DZIP1L: variants seen among roughly 807,000 people sequenced by gnomAD.
DZIP1L encodes DAZ interacting zinc finger protein 1 like.
In DZIP1L, 90 loss-of-function variants were observed where a neutral mutation model predicts 88.7. That is an observed-to-expected ratio of 1.02 (90% CI 0.86 to 1.21). DZIP1L has a LOEUF of 1.21. Ranked by LOEUF, DZIP1L falls within the 50% of genes most tolerant of loss-of-function variation. The pLI is 0.00. For synonymous variants in DZIP1L, 363 were observed against 372.1 expected, an observed-to-expected ratio of 0.98 and a Z score of 0.28; for missense variants, 932 against 955.8, an observed-to-expected ratio of 0.98 and a Z score of 0.33.
Position 138,062,759 on chromosome 3 carries a change from G to T in DZIP1L, c.*57C>A, listed in dbSNP as rs371231885. 1.3e-6 allele frequency: 2 copies of T among 1,591,138 alleles called. No homozygotes were observed. Among genetic ancestry groups the T allele is most frequent in the East Asian group, 2.2e-5 (1 of 44,652 alleles). ...GCCCAGCAGCCTCTTCTGTTGAAGTGGACCTGAGCTGGCCCCAGCCAGGCT... is the reference window on the plus strand; with the variant it reads ...GCCCAGCAGCCTCTTCTGTTGAAGTTGACCTGAGCTGGCCCCAGCCAGGCT... On this transcript the variant is annotated 3_prime_UTR_variant, in exon 16 of 16. Coordinates refer to ENST00000327532, the MANE Select transcript of DZIP1L (RefSeq NM_173543.3).
intron 2 of DZIP1L, among the ~76,000 whole-genome samples, chr3:138,101,276 A>G (rs1245828300): frequency 4.6e-5 from 7 of 151,952 alleles, no homozygotes; most frequent in African/African-American, 9.7e-5. Flanking sequence ...ACCAAAAAAA[A>G]AAAGCAATTG....
At chr3:138,079,313 C>A (rs2724697) in intron 10 of DZIP1L, among the ~76,000 whole-genome samples, 2 of 151,972 alleles carry the variant, frequency 1.3e-5, no homozygotes, top group Admixed American at 1.3e-4. Flanking sequence ...AAAAGTGATA[C>A]GCAATTCTAA....
chr3:138,106,384 C>A (rs1372110873), intron 1 of DZIP1L, among the ~76,000 whole-genome samples: 1 of 151,196 alleles, frequency 6.6e-6, no homozygotes, highest in African/African-American at 2.4e-5. Flanking sequence ...GTGATCCACC[C>A]GCCTCAGCCT....
intron 12 of DZIP1L, among the ~76,000 whole-genome samples, chr3:138,071,223 G>A (rs1026019282): frequency 1.3e-5 from 2 of 152,190 alleles, no homozygotes; most frequent in African/African-American, 4.8e-5. Context: ...CAATGCTCCC[G>A]GGCCTCTGCC....
chr3:138,102,877 G>T, intron 2 of DZIP1L: 1 of 655,750 alleles, frequency 1.5e-6, no homozygotes, highest in Admixed American at 2.2e-5. Context: ...GGGGCCAGAG[G>T]TGGGCACCTT....
Position 138,094,030 on chromosome 3 carries a change from C to T in DZIP1L, c.708+832G>A, listed in dbSNP as rs1306722574. 3.3e-5 allele frequency among the ~76,000 whole-genome samples: 5 copies of T among 152,176 alleles called. No homozygotes were observed. The South Asian group carries it at 1.0e-3, about 31-fold the overall frequency. ...CTGCCTCTCAGCCCATCTCAGCTTTCGACATGCCTTCATCACTAAACTTAA... is the reference window on the plus strand; with the variant it reads ...CTGCCTCTCAGCCCATCTCAGCTTTTGACATGCCTTCATCACTAAACTTAA... On this transcript the variant is annotated intron_variant, in intron 4 of 15. Transcript: ENST00000327532.
rs564403227 is a variant in DZIP1L at position 138,102,609 on chromosome 3, G to A, written c.501+862C>T. 2.3e-3 allele frequency: 3,395 copies of A among 1,472,538 alleles called. 10 individuals are homozygous for A. Among genetic ancestry groups the A allele is most frequent in the Non-Finnish European group, 2.8e-3 (2,963 of 1,052,474 alleles). 91.2% of individuals were successfully genotyped at this position (1,472,538 alleles called of 1,614,324 possible). On this transcript the variant is annotated intron_variant, in intron 2 of 15. Transcript: ENST00000327532. Reference sequence around the variant, plus strand: ...GGAACCATACCTTGTCTATGAAGGAGGCAAACTTGTTGTTGAGGGTCTTGA... The same window carrying A: ...GGAACCATACCTTGTCTATGAAGGAAGCAAACTTGTTGTTGAGGGTCTTGA...
chr3:138,101,574 G>A (rs774856445), intron 2 of DZIP1L: 4 of 808,004 alleles, frequency 5.0e-6, no homozygotes, highest in Non-Finnish European at 6.5e-6. Flanking sequence ...AGCTGGTGCG[G>A]CTGAAGGAGC....
intron 2 of DZIP1L, chr3:138,101,815 T>C (rs2107839798): frequency 8.3e-7 from 1 of 1,200,046 alleles, no homozygotes; most frequent in Non-Finnish European, 1.2e-6. Context: ...CTCCTGATAC[T>C]CACGCAGCTG....
intron 5 of DZIP1L, among the ~76,000 whole-genome samples, chr3:138,089,880 G>A (rs2107801379): frequency 6.6e-6 from 1 of 152,210 alleles, no homozygotes; most frequent in African/African-American, 2.4e-5. Context: ...CAAGCGCAGT[G>A]ACTCAAGCCT....
chr3:138,103,604 T>C lies in DZIP1L; in HGVS notation c.368A>G (p.Gln123Arg), dbSNP rs769807839. 6.2e-7 allele frequency: 1 copy of C among 1,607,130 alleles called. No homozygotes were observed. The highest frequency in any genetic ancestry group is 1.7e-5 in the Admixed American group (1 of 59,826). Reference sequence around the variant, plus strand: ...GCGTCCCAGCTCCTGCTGACCACGCTGCTGCTGGCCCAGGCTGGTCTGCAG... The same window carrying C: ...GCGTCCCAGCTCCTGCTGACCACGCCGCTGCTGGCCCAGGCTGGTCTGCAG... ...ARLQTSLGQQ[Q>R]RGQQELGRQA... is the part of the protein sequence containing the mutation. The change falls in exon 2 of 16, where the codon CAG (glutamine) becomes CGG (arginine). Residue 123 changes from glutamine to arginine, a missense_variant. Gln to Arg is a conservative substitution (Grantham distance 43). Coordinates refer to ENST00000327532, the MANE Select transcript of DZIP1L (RefSeq NM_173543.3).
rs1576431646 is a variant in DZIP1L, at chr3:138,067,545, G to A, written c.1988C>T (p.Pro663Leu). 6.2e-7 allele frequency: 1 copy of A among 1,605,370 alleles called. No individual in the cohort carries two copies. Among genetic ancestry groups the A allele is most frequent in the East Asian group, 2.3e-5 (1 of 44,068 alleles). Residue 663 changes from proline to leucine, a missense_variant, in exon 14 of 16, where the codon CCT (proline) becomes CTT (leucine). By Grantham distance (98) the Pro-to-Leu change is moderately conservative (BLOSUM62 -3). Transcript: ENST00000327532. ...TGCCAGCTCACCTGAGCCCTGGCCA[G>A]GGGGCTGGGCATTCTCCTCCGAGGT... ...TETSEENAQP[P>L]GQGSGTLVQS...
chr3:138,067,173 G>A (rs1942947131), intron 14 of DZIP1L, among the ~76,000 whole-genome samples: 2 of 152,140 alleles, frequency 1.3e-5, no homozygotes, highest in African/African-American at 4.8e-5. Context: ...ACCACTACTA[G>A]AGCGAGGCTT....
rs752865093 is a variant in DZIP1L, at chr3:138,084,211, C to T, written c.1105G>A (p.Asp369Asn). The T allele has an allele frequency of 2.5e-6, 4 of 1,614,204 alleles. No homozygotes were observed. Among genetic ancestry groups the T allele is most frequent in the Admixed American group, 1.7e-5 (1 of 60,028 alleles). Reference protein sequence around the residue: ...NQRLQASLSQDQKKAAAQSQC... With the variant: ...NQRLQASLSQNQKKAAAQSQC... ...GACTGGGCAGCTGCCTTCTTCTGAT[C>T]CTGAGACAGGGAGGCCTGGAGCCTC... The change falls in exon 8 of 16, where the codon GAT becomes AAT. Residue 369 changes from aspartate (D) to asparagine (N), a missense_variant. Physicochemically the swap from Asp to Asn is conservative, Grantham distance 23. Transcript: ENST00000327532.
At chr3:138,098,500 G>A (rs748107057) in intron 2 of DZIP1L, among the ~76,000 whole-genome samples, 7 of 152,180 alleles carry the variant, frequency 4.6e-5, no homozygotes, top group Non-Finnish European at 8.8e-5. Flanking sequence ...CTATCACATC[G>A]TCTTCTCACT....
intron 7 of DZIP1L, among the ~76,000 whole-genome samples, chr3:138,084,659 A>G (rs1219987022): frequency 6.6e-6 from 1 of 152,256 alleles, no homozygotes; most frequent in Non-Finnish European, 1.5e-5. Flanking sequence ...TTAGAAGAAT[A>G]CAAAAGAAAG....
At chr3:138,100,624 G>A (rs531832497) in intron 2 of DZIP1L, among the ~76,000 whole-genome samples, 4 of 152,308 alleles carry the variant, frequency 2.6e-5, no homozygotes, top group East Asian at 1.9e-4. Context: ...GGTAGATAGT[G>A]TCAGAATTGA....
At chr3:138,114,895 G>T (rs541701738) in intron 1 of DZIP1L, among the ~76,000 whole-genome samples, 2 of 152,332 alleles carry the variant, frequency 1.3e-5, no homozygotes, top group South Asian at 4.2e-4. Flanking sequence ...ATGCCAATGC[G>T]ATTGCTTTTA....
At chr3:138,100,929 T>C (rs2042281832) in intron 2 of DZIP1L, among the ~76,000 whole-genome samples, 1 of 152,218 alleles carries the variant, frequency 6.6e-6, no homozygotes, top group Non-Finnish European at 1.5e-5. Flanking sequence ...GGTTGAATAA[T>C]GGAGTCAGTA....
Sources: gnomAD v4.1 joint callset for allele counts (sites outside exome capture counted in the v4.1 genomes callset) on GRCh38, gnomAD v4.1.1 for gene constraint, MANE v1.5 for transcripts, NCBI Gene and HGNC (gene_info 2026-07-23, HGNC 2026-07-21) for gene names.